The following FGF13 variants were observed in gnomAD, a reference collection of about 807,000 sequenced individuals.
FGF13 encodes the protein fibroblast growth factor 13.
FGF13 carries 2 observed loss-of-function variants against 19.5 expected under a neutral mutation model. That is an observed-to-expected ratio of 0.10 (90% CI 0.04 to 0.32). FGF13 has a LOEUF of 0.32. FGF13 is among the 10% of genes least tolerant of loss of function. The probability of loss-of-function intolerance (pLI) is 1.00; values close to 1 mark genes in which losing one functional copy is unlikely to be tolerated. For synonymous variants in FGF13, 72 were observed against 76.9 expected, an observed-to-expected ratio of 0.94 and a Z score of 0.33; for missense variants, 113 against 192.7, an observed-to-expected ratio of 0.59 and a Z score of 2.45.
chrX:138,791,880 G>T (rs2090745172), intron 3 of FGF13, among the ~76,000 whole-genome samples: 1 of 111,979 alleles, frequency 8.9e-6, no homozygotes, highest in Admixed American at 9.5e-5. Context: ...GCTTTGATCT[G>T]TGGTCTTGAT....
At position 139,049,569 on chromosome X, in the gene FGF13, T is replaced by C. The variant is rs1002372849; in HGVS notation, c.-113+153847A>G. Among the ~76,000 whole-genome samples, 3 of 112,607 alleles carry C rather than the reference T, an allele frequency of 2.7e-5. No homozygotes were observed. In the South Asian group the frequency reaches 1.1e-3, roughly 42 times the overall value. On this transcript the variant is annotated intron_variant, in intron 1 of 2. Coordinates refer to the FGF13 transcript ENST00000421460. ...TCCCTGCCCTTTATGGTCTCCACTC[T>C]GGGTTAGGTACCTCTGCTTTTCAGT... is the stretch of plus-strand genomic sequence containing the variant.
At chrX:138,933,538 G>A (rs746599795) in intron 1 of FGF13, among the ~76,000 whole-genome samples, 92 of 111,999 alleles carry the variant, frequency 8.2e-4, no homozygotes, top group African/African-American at 2.8e-3. Context: ...TGAGGGCAAA[G>A]CTAATCTCTA....
At chrX:139,093,432 A>G (rs778117292) in intron 1 of FGF13, among the ~76,000 whole-genome samples, 1 of 112,311 alleles carries the variant, frequency 8.9e-6, no homozygotes, top group Non-Finnish European at 1.9e-5. Context: ...GAGAAGAACC[A>G]AGGGTCAGTG....
chrX:139,116,481 G>A (rs1473655902), intron 1 of FGF13, among the ~76,000 whole-genome samples: 2 of 111,499 alleles, frequency 1.8e-5, no homozygotes, highest in African/African-American at 6.5e-5. Context: ...GTCTTTTCTA[G>A]TAGTTGAATT....
chrX:138,942,567 C>T (rs1429327362), intron 1 of FGF13, among the ~76,000 whole-genome samples: 1 of 111,884 alleles, frequency 8.9e-6, no homozygotes, highest in South Asian at 3.7e-4. Context: ...TCCTTCCCCA[C>T]TTCCTTGGAA....
chrX:139,203,912 G>GC (rs1029194769), upstream of FGF13: 92 of 559,345 alleles, frequency 1.6e-4, no homozygotes, highest in Non-Finnish European at 2.1e-4. Context: ...AGCGACCTCT[G>GC]CCCCCCCTTT....
intron 1 of FGF13, among the ~76,000 whole-genome samples, chrX:138,933,534 C>A (rs963745836): frequency 6.3e-5 from 7 of 111,738 alleles, no homozygotes; most frequent in Non-Finnish European, 1.3e-4. Context: ...GTGATGAGGG[C>A]AAAGCTAATC....
chrX:139,052,457 GAAACAAAAA>G (rs2092305637), intron 1 of FGF13, among the ~76,000 whole-genome samples: 2 of 111,441 alleles, frequency 1.8e-5, no homozygotes, highest in African/African-American at 6.5e-5. Context: ...TTAAGATGAG[GAAACAAAAA>G]GAAGTCAGCA....
At chrX:138,883,730 G>T (rs938997513) in intron 1 of FGF13, among the ~76,000 whole-genome samples, 1 of 111,541 alleles carries the variant, frequency 9.0e-6, no homozygotes, top group Non-Finnish European at 1.9e-5. Context: ...CCACAATCCA[G>T]AATATCAGAG....
chrX:139,004,144 C>A (rs761517374), intron 1 of FGF13, among the ~76,000 whole-genome samples: 70 of 112,871 alleles, frequency 6.2e-4, no homozygotes, highest in Non-Finnish European at 1.2e-3. Flanking sequence ...TCAGGCATGG[C>A]GGGCTGCAGG....
chrX:139,166,180 C>T (rs1162748998), intron 1 of FGF13, among the ~76,000 whole-genome samples: 7 of 111,610 alleles, frequency 6.3e-5, no homozygotes, highest in Non-Finnish European at 1.3e-4. Flanking sequence ...TTCCCATAAT[C>T]CCCACGTGTC....
chrX:138,796,841 G>A (rs1002788438), intron 3 of FGF13, among the ~76,000 whole-genome samples: 17 of 111,874 alleles, frequency 1.5e-4, no homozygotes, highest in Non-Finnish European at 2.3e-4. Context: ...ATGTTTGTTG[G>A]CCGCATAAAT....
chrX:138,652,577 A>G (rs754190134), intron 3 of FGF13, among the ~76,000 whole-genome samples: 1 of 112,017 alleles, frequency 8.9e-6, no homozygotes, highest in East Asian at 2.8e-4. Flanking sequence ...AGGTCTTTGC[A>G]TAATTATTAA....
At chrX:138,736,497 A>T (rs930166029) in intron 1 of FGF13, among the ~76,000 whole-genome samples, 2 of 111,163 alleles carry the variant, frequency 1.8e-5, no homozygotes, top group African/African-American at 6.5e-5. Context: ...AGGGCCAGGC[A>T]GTTGGAACTG....
intron 3 of FGF13, among the ~76,000 whole-genome samples, chrX:138,819,803 T>A (rs1038048819): frequency 1.1e-4 from 12 of 111,874 alleles, no homozygotes; most frequent in Non-Finnish European, 1.9e-4. Flanking sequence ...TTTAAAAAAA[T>A]TATGTTCATA....
rs1431326644 is a variant in FGF13, at chrX:138,621,378, A to G, written c.*11472T>C. The G allele has an allele frequency of 9.0e-6, 1 of 111,657 alleles. No individual in the cohort carries two copies. The highest frequency in any genetic ancestry group is 2.8e-4 in the East Asian group (1 of 3,595). 9.2% of individuals were successfully genotyped at this position (111,657 alleles called of 1,213,427 possible). A position where few individuals can be genotyped will look rare whatever the true frequency, so the allele number is the denominator to read the frequency against. On this transcript the variant is annotated 3_prime_UTR_variant, in exon 5 of 5. Transcript: ENST00000315930. ...AAATAGCCAAAGAATCAAAGAGCAA[A>G]TCAAAAGAAAAATTTAAAAAACTTG...
chrX:139,190,581 G>A (rs1935509994), intron 1 of FGF13, among the ~76,000 whole-genome samples: 1 of 111,048 alleles, frequency 9.0e-6, no homozygotes, highest in Non-Finnish European at 1.9e-5. Flanking sequence ...ACTCTGTAGT[G>A]GGAAGGTTAG....
intron 3 of FGF13, among the ~76,000 whole-genome samples, chrX:138,681,916 T>C (rs190438708): frequency 1.3e-4 from 15 of 111,707 alleles, no homozygotes; most frequent in Non-Finnish European, 2.6e-4. Context: ...AAAACAATTA[T>C]AAGAGTAACA....
chrX:138,798,699 C>CT (rs1403525555), intron 3 of FGF13, among the ~76,000 whole-genome samples: 1 of 111,433 alleles, frequency 9.0e-6, no homozygotes, highest in Non-Finnish European at 1.9e-5. Flanking sequence ...TTAACCTTTG[C>CT]TTTTTTTGGT....
Sources: allele counts gnomAD v4.1 joint callset (sites outside exome capture counted in the v4.1 genomes callset), GRCh38; gene constraint gnomAD v4.1.1; transcripts MANE v1.5; gene names NCBI Gene and HGNC (gene_info 2026-07-23, HGNC 2026-07-21).